The following INPP4B variants were observed in gnomAD, a reference collection of about 807,000 sequenced individuals.
The protein encoded by INPP4B is inositol polyphosphate 4-phosphatase type II.
A neutral mutation model predicts 122.5 loss-of-function variants in INPP4B; 55 were observed. The observed-to-expected ratio is 0.45, with a 90% CI of 0.36 to 0.56. The LOEUF (loss-of-function observed/expected upper bound fraction) is 0.56. INPP4B is among the 20% of genes least tolerant of loss of function. INPP4B has a pLI of 0.00. For missense variants in INPP4B, 1,000 were observed against 1,097.7 expected (o/e 0.91, Z 1.26); for synonymous variants, 403 against 388.7 (o/e 1.04, Z -0.43).
At chr4:142,299,156 CTTTT>C (rs1010706761) in intron 9 of INPP4B, among the ~76,000 whole-genome samples, 12 of 104,766 alleles carry the variant, frequency 1.1e-4, no homozygotes, top group Admixed American at 2.7e-4. Flanking sequence ...TTCTTTCTTT[CTTTT>C]TTTTTTTTTG....
intron 16 of INPP4B, among the ~76,000 whole-genome samples, chr4:142,167,013 A>G (rs1823092961): frequency 6.6e-6 from 1 of 151,860 alleles, no homozygotes; most frequent in African/African-American, 2.4e-5. Flanking sequence ...AACCAGAAAT[A>G]CCATCTGACC....
rs898728455 is a variant in INPP4B at position 142,023,633 on chromosome 4, A to G, written c.*5149T>C. ...TGAGTCAATGTTACCTGTGAGTGCAATAGGTCATCATTGATCGCGTCCTTT... is the reference window on the plus strand; with the variant it reads ...TGAGTCAATGTTACCTGTGAGTGCAGTAGGTCATCATTGATCGCGTCCTTT... On this transcript the variant is annotated 3_prime_UTR_variant, in exon 26 of 26. Coordinates refer to ENST00000262992, the MANE Select transcript of INPP4B (RefSeq NM_001101669.3). 2 of 152,188 alleles carry G rather than the reference A, an allele frequency of 1.3e-5. No homozygotes were observed. The highest frequency in any genetic ancestry group is 2.9e-5 in the Non-Finnish European group (2 of 68,032). The allele number at this position is 152,188 out of a possible 1,614,324, so 9.4% of individuals were successfully genotyped here.
intron 25 of INPP4B, among the ~76,000 whole-genome samples, chr4:142,057,192 G>T (rs994339675): frequency 1.3e-5 from 2 of 152,056 alleles, no homozygotes; most frequent in African/African-American, 4.8e-5. Context: ...ATTAGGAAAT[G>T]TAGTAGCACA....
chr4:142,796,671 T>A (rs1777280646), intron 1 of INPP4B, among the ~76,000 whole-genome samples: 1 of 151,976 alleles, frequency 6.6e-6, no homozygotes, highest in African/African-American at 2.4e-5. Flanking sequence ...TTCCTCAGAT[T>A]TAAATAATTG....
chr4:142,292,157 G>T (rs56044460), intron 9 of INPP4B, among the ~76,000 whole-genome samples: 11,992 of 152,186 alleles, frequency 0.079, 630 homozygotes, highest in Middle Eastern at 0.16. Context: ...TTAAAGTATA[G>T]GAGATCCTTT....
chr4:142,225,052 C>A (rs1444331391), intron 12 of INPP4B, among the ~76,000 whole-genome samples: 1 of 152,028 alleles, frequency 6.6e-6, no homozygotes, highest in Admixed American at 6.6e-5. Flanking sequence ...GAAGAGTTAA[C>A]ATTTGAGTCT....
intron 2 of INPP4B, among the ~76,000 whole-genome samples, chr4:142,564,476 A>AAAAC (rs1731200889): frequency 6.7e-6 from 1 of 148,162 alleles, no homozygotes; most frequent in Admixed American, 6.7e-5. Flanking sequence ...AGAAAGAAAG[A>AAAAC]AAAAAAAGAA....
At chr4:142,728,254 C>T (rs1025624235) in intron 1 of INPP4B, among the ~76,000 whole-genome samples, 5 of 152,130 alleles carry the variant, frequency 3.3e-5, no homozygotes, top group Non-Finnish European at 7.4e-5. Flanking sequence ...CTGTTTCAGA[C>T]TCAGAACCTT....
intron 23 of INPP4B, among the ~76,000 whole-genome samples, chr4:142,099,548 T>C (rs1455975783): frequency 6.6e-6 from 1 of 152,280 alleles, no homozygotes; most frequent in African/African-American, 2.4e-5. Context: ...TCTGCTGGAA[T>C]GACATTCATG....
At chr4:142,288,201 G>C (rs570341393) in intron 9 of INPP4B, among the ~76,000 whole-genome samples, 2 of 152,150 alleles carry the variant, frequency 1.3e-5, no homozygotes, top group Non-Finnish European at 2.9e-5. Flanking sequence ...GCCAGAATAT[G>C]ATTTAATATT....
intron 1 of INPP4B, among the ~76,000 whole-genome samples, chr4:142,757,069 G>C (rs955278020): frequency 7.2e-5 from 11 of 152,112 alleles, no homozygotes; most frequent in Non-Finnish European, 1.3e-4. Flanking sequence ...TCCAGCCCCA[G>C]ATAGATATCA....
intron 12 of INPP4B, among the ~76,000 whole-genome samples, chr4:142,212,865 T>C (rs1051394922): frequency 2.6e-5 from 4 of 152,158 alleles, no homozygotes; most frequent in African/African-American, 9.7e-5. Context: ...ATGATAAATA[T>C]AGCATCCTAC....
At chr4:142,318,035 C>T (rs1768441236) in intron 7 of INPP4B, among the ~76,000 whole-genome samples, 1 of 152,108 alleles carries the variant, frequency 6.6e-6, no homozygotes, top group African/African-American at 2.4e-5. Context: ...TTGACACATC[C>T]CAAATCTTCC....
chr4:142,308,481 A>G (rs1907107), intron 8 of INPP4B, among the ~76,000 whole-genome samples: 57,518 of 151,768 alleles, frequency 0.38, 12,460 homozygotes, highest in East Asian at 0.61. Flanking sequence ...TTGCCTATAC[A>G]TTTACTTTCG....
chr4:142,703,595 G>A (rs1362982718), intron 2 of INPP4B, among the ~76,000 whole-genome samples: 1 of 152,022 alleles, frequency 6.6e-6, no homozygotes, highest in African/African-American at 2.4e-5. Flanking sequence ...GATGTTTATG[G>A]GTATATAAAT....
At chr4:142,625,566 T>C (rs1169525532) in intron 2 of INPP4B, among the ~76,000 whole-genome samples, 1 of 152,004 alleles carries the variant, frequency 6.6e-6, no homozygotes, top group African/African-American at 2.4e-5. Context: ...CCCAAGGTAA[T>C]TTATAGATTC....
chr4:142,757,172 A>T (rs1770626485), intron 1 of INPP4B, among the ~76,000 whole-genome samples: 1 of 152,126 alleles, frequency 6.6e-6, no homozygotes, highest in Admixed American at 6.6e-5. Flanking sequence ...CAGAGTTGTC[A>T]TATACCCCTT....
chr4:142,750,275 T>C (rs916876152), intron 1 of INPP4B, among the ~76,000 whole-genome samples: 1 of 152,010 alleles, frequency 6.6e-6, no homozygotes, highest in Non-Finnish European at 1.5e-5. Flanking sequence ...TTTCTCCAGA[T>C]AAATCACAAA....
At chr4:142,036,097 T>C (rs568781742) in intron 25 of INPP4B, among the ~76,000 whole-genome samples, 7 of 152,170 alleles carry the variant, frequency 4.6e-5, no homozygotes, top group South Asian at 2.1e-4. Context: ...ATTGTTCCCA[T>C]GTTTATGTCC....
Sources: gnomAD v4.1 joint callset for allele counts (sites outside exome capture counted in the v4.1 genomes callset) on GRCh38, gnomAD v4.1.1 for gene constraint, MANE v1.5 for transcripts, NCBI Gene and HGNC (gene_info 2026-07-23, HGNC 2026-07-21) for gene names.